ANK3: variants seen among roughly 807,000 people sequenced by gnomAD.
ANK3 encodes ankyrin 3.
A neutral mutation model predicts 370.9 loss-of-function variants in ANK3; 57 were observed. The ratio of observed to expected loss-of-function variants is 0.15; its 90% confidence interval spans 0.12 to 0.19. The LOEUF (loss-of-function observed/expected upper bound fraction) is 0.19. Among genes scored for constraint, ANK3 ranks in the 10% least tolerant of loss-of-function variants. The pLI, the probability that ANK3 is intolerant of heterozygous loss-of-function variation, is 1.00. For missense variants in ANK3, 4,439 were observed against 5,302.1 expected (o/e 0.84, Z 5.06); for synonymous variants, 1,929 against 1,946.3 (o/e 0.99, Z 0.23).
At chr10:60,285,181 T>G (rs68143724) in intron 1 of ANK3, among the ~76,000 whole-genome samples, 29,625 of 151,940 alleles carry the variant, frequency 0.19, 3,095 homozygotes, top group African/African-American at 0.26. Flanking sequence ...CTCAGTTTTC[T>G]CAGCTGTCAA....
At chr10:60,148,916 C>T (rs755097287) in intron 23 of ANK3, among the ~76,000 whole-genome samples, 3 of 152,186 alleles carry the variant, frequency 2.0e-5, no homozygotes, top group Admixed American at 6.5e-5. Flanking sequence ...TAGCCTCAAC[C>T]CCAAATCCAG....
chr10:60,389,908 T>C (rs1312487478), upstream of ANK3: 1 of 966,402 alleles, frequency 1.0e-6, no homozygotes, highest in Admixed American at 6.2e-5. Flanking sequence ...CTGCAAAGGA[T>C]GCTTCTCCAA....
intron 2 of ANK3, among the ~76,000 whole-genome samples, chr10:60,468,437 G>A (rs749861114): frequency 2.6e-5 from 4 of 152,078 alleles, no homozygotes; most frequent in Non-Finnish European, 4.4e-5. Flanking sequence ...AAAAGGAACA[G>A]CAATAATTAG....
intron 1 of ANK3, among the ~76,000 whole-genome samples, chr10:60,671,646 T>G (rs1291177686): frequency 6.6e-6 from 1 of 152,158 alleles, no homozygotes; most frequent in Non-Finnish European, 1.5e-5. Flanking sequence ...TGTACCCCAG[T>G]ATGCAGCCCA....
intron 23 of ANK3, chr10:60,140,835 A>C: frequency 1.0e-6 from 1 of 993,052 alleles, no homozygotes. Context: ...TCGGGTAACC[A>C]AGACAGCCTT....
At chr10:60,275,643 T>C (rs1185464219) in intron 4 of ANK3, among the ~76,000 whole-genome samples, 1 of 152,150 alleles carries the variant, frequency 6.6e-6, no homozygotes, top group Non-Finnish European at 1.5e-5. Flanking sequence ...TTGTACTGTC[T>C]AACTTTGTCA....
intron 25 of ANK3, among the ~76,000 whole-genome samples, chr10:60,119,763 C>T (rs1279211166): frequency 6.6e-6 from 1 of 151,916 alleles, no homozygotes; most frequent in Non-Finnish European, 1.5e-5. Flanking sequence ...AAGAGCAAGA[C>T]TTCATCTCAA....
chr10:60,487,364 G>A lies in ANK3; in HGVS notation c.96+127822C>T, dbSNP rs902772096. Among the ~76,000 whole-genome samples the A allele has an allele frequency of 5.3e-5, 8 of 152,280 alleles. No homozygotes were observed. The East Asian group carries it at 1.2e-3, about 22-fold the overall frequency. ...GAAATCAAATATCTCAGGTAACCAC[G>A]TTGGCCCCAATCTTCATTAAGCAAA... On this transcript the variant is annotated intron_variant, in intron 2 of 43. Coordinates refer to the ANK3 transcript ENST00000373827.
At chr10:60,081,691 T>C (rs2085299820) in intron 35 of ANK3, 1 of 302,986 alleles carries the variant, frequency 3.3e-6, no homozygotes, top group African/African-American at 2.2e-5. Context: ...GATAGTAGGA[T>C]ATAGTTGATA....
rs147887047 is a variant in ANK3, at chr10:60,026,810, T to G, written c.*3036A>C. 2.5e-3 allele frequency: 379 copies of G among 152,308 alleles called. 5 individuals carry two copies. The highest frequency in any genetic ancestry group is 8.6e-3 in the African/African-American group (359 of 41,580). 9.4% of individuals were successfully genotyped at this position (152,308 alleles called of 1,614,324 possible). ...GCACATTTTAATTTAACAAATTCAATAATTTAGTAAGAATATAAAATGAAA... is the reference window on the plus strand; with the variant it reads ...GCACATTTTAATTTAACAAATTCAAGAATTTAGTAAGAATATAAAATGAAA... On this transcript the variant is annotated 3_prime_UTR_variant, in exon 44 of 44. Coordinates refer to ENST00000280772, the MANE Select transcript of ANK3 (RefSeq NM_020987.5).
intron 23 of ANK3, chr10:60,140,304 C>T (rs750952107): frequency 1.3e-6 from 2 of 1,583,810 alleles, no homozygotes; most frequent in Non-Finnish European, 1.7e-6. Context: ...ACATTCACTG[C>T]ATCTCAAACA....
chr10:60,046,770 G>C (rs192960844), intron 42 of ANK3, among the ~76,000 whole-genome samples: 8 of 151,368 alleles, frequency 5.3e-5, no homozygotes, highest in Admixed American at 5.3e-4. Context: ...CTAAGAGAGA[G>C]CTCTAAGGCC....
intron 43 of ANK3, among the ~76,000 whole-genome samples, chr10:60,038,935 T>C (rs1463086875): frequency 6.6e-6 from 1 of 152,200 alleles, no homozygotes; most frequent in Non-Finnish European, 1.5e-5. Flanking sequence ...GTGCCACTGA[T>C]GAGGTCTTAG....
chr10:60,379,787 T>A (rs1242001506), intron 1 of ANK3, among the ~76,000 whole-genome samples: 1 of 152,102 alleles, frequency 6.6e-6, no homozygotes, highest in Non-Finnish European at 1.5e-5. Flanking sequence ...GGGGAGTAAG[T>A]TCTAGTATTC....
chr10:60,302,834 A>C (rs2044120446), intron 1 of ANK3, among the ~76,000 whole-genome samples: 1 of 147,548 alleles, frequency 6.8e-6, no homozygotes, highest in Non-Finnish European at 1.5e-5. Context: ...AAAAAACAAA[A>C]ACAAACAACA....
chr10:60,082,379 A>C (rs2085485895), intron 34 of ANK3: 1 of 678,786 alleles, frequency 1.5e-6, no homozygotes, highest in African/African-American at 1.8e-5. Flanking sequence ...ATTTAAAAGC[A>C]TAAAAATCTA....
At chr10:60,556,461 G>A (rs1303881991) in intron 2 of ANK3, among the ~76,000 whole-genome samples, 1 of 152,138 alleles carries the variant, frequency 6.6e-6, no homozygotes, top group Non-Finnish European at 1.5e-5. Context: ...AATGTGACCA[G>A]AGTGATTTCA....
intron 2 of ANK3, among the ~76,000 whole-genome samples, chr10:60,525,925 A>G (rs960637143): frequency 3.9e-5 from 6 of 152,134 alleles, no homozygotes; most frequent in African/African-American, 1.4e-4. Context: ...AGACTGCCTG[A>G]TGCTGCATCA....
chr10:60,306,321 C>T (rs1240124351), intron 1 of ANK3, among the ~76,000 whole-genome samples: 1 of 151,904 alleles, frequency 6.6e-6, no homozygotes, highest in Admixed American at 6.6e-5. Flanking sequence ...GTTTTCCATT[C>T]TTGAGTTACT....
Sources: allele counts gnomAD v4.1 joint callset (sites outside exome capture counted in the v4.1 genomes callset), GRCh38; gene constraint gnomAD v4.1.1; transcripts MANE v1.5; gene names NCBI Gene and HGNC (gene_info 2026-07-23, HGNC 2026-07-21).